Variants in DPP10 observed in about 807,000 individuals in gnomAD.
DPP10 encodes inactive dipeptidyl peptidase 10.
In DPP10, 33 loss-of-function variants were observed where a neutral mutation model predicts 120.9. The observed-to-expected ratio is 0.27, with a 90% CI of 0.21 to 0.37. The LOEUF is 0.37. DPP10 is among the 10% of genes least tolerant of loss of function. DPP10 has a pLI of 1.00. For missense variants in DPP10, 816 were observed against 942.8 expected, an observed-to-expected ratio of 0.87 and a Z score of 1.76; for synonymous variants, 337 against 326.1, an observed-to-expected ratio of 1.03 and a Z score of -0.36.
In DPP10 at chr2:115,385,367, T is replaced by TA. The variant is rs71394132; in HGVS notation, c.271+41458dup. Among the ~76,000 whole-genome samples the TA allele has an allele frequency of 4.0e-5, 6 of 151,298 alleles. No homozygotes were observed. In the East Asian group the frequency reaches 5.8e-4, roughly 15 times the overall value. On this transcript the variant is annotated intron_variant, in intron 3 of 25. Transcript: ENST00000410059. ...TCTGTCTTTCTTTTTTTTTTTTTTT[T>TA]AAATCAAGACAGAGTTTCGCTCTTG...
intron 5 of DPP10, among the ~76,000 whole-genome samples, chr2:115,546,094 T>G (rs1267304070): frequency 6.6e-6 from 1 of 152,134 alleles, no homozygotes; most frequent in African/African-American, 2.4e-5. Flanking sequence ...TAAATCTGCA[T>G]TCGGATTTGG....
At chr2:114,818,167 G>C (rs375338169) in intron 1 of DPP10, among the ~76,000 whole-genome samples, 1 of 152,148 alleles carries the variant, frequency 6.6e-6, no homozygotes, top group South Asian at 2.1e-4. Flanking sequence ...TGGTAATGAA[G>C]GTCAGTCACT....
At chr2:115,015,945 A>G (rs1702601968) in intron 1 of DPP10, among the ~76,000 whole-genome samples, 1 of 152,200 alleles carries the variant, frequency 6.6e-6, no homozygotes, top group Non-Finnish European at 1.5e-5. Flanking sequence ...TATAGATTCA[A>G]TGTTATTCCC....
intron 2 of DPP10, among the ~76,000 whole-genome samples, chr2:115,342,572 A>G (rs1353527632): frequency 6.6e-6 from 1 of 152,120 alleles, no homozygotes; most frequent in Non-Finnish European, 1.5e-5. Flanking sequence ...GGACAGAGAT[A>G]TGTCTCCTAT....
chr2:114,764,933 G>T (rs907270520), intron 1 of DPP10, among the ~76,000 whole-genome samples: 4 of 152,120 alleles, frequency 2.6e-5, no homozygotes, highest in Non-Finnish European at 5.9e-5. Context: ...ACCTTGAGGG[G>T]TTAGGCTATT....
rs1692252747 is a variant in DPP10 at position 114,888,337 on chromosome 2, AAC to A, written c.61-420898_61-420897del. Among the ~76,000 whole-genome samples the A allele has an allele frequency of 2.0e-5, 3 of 152,208 alleles. No individual in the cohort carries two copies. In the South Asian group the frequency reaches 6.2e-4, roughly 32 times the overall value. ...TATAACTTTGAATATATCATTAAGGAACACAAACTAAGTAGGTCAGAAGACTA... is the reference window on the plus strand; with the variant it reads ...TATAACTTTGAATATATCATTAAGGAACAAACTAAGTAGGTCAGAAGACTA... On this transcript the variant is annotated intron_variant, in intron 1 of 25. Transcript: ENST00000410059.
At chr2:115,405,704 T>C (rs1193683593) in intron 3 of DPP10, among the ~76,000 whole-genome samples, 1 of 152,176 alleles carries the variant, frequency 6.6e-6, no homozygotes, top group African/African-American at 2.4e-5. Context: ...CATATGGATG[T>C]GGATATTGCC....
intron 1 of DPP10, among the ~76,000 whole-genome samples, chr2:114,814,552 G>A (rs1254232751): frequency 6.6e-6 from 1 of 151,992 alleles, no homozygotes; most frequent in Non-Finnish European, 1.5e-5. Context: ...TACCATGTCA[G>A]CATATTGCAC....
intron 1 of DPP10, among the ~76,000 whole-genome samples, chr2:114,741,173 A>C (rs1678023952): frequency 6.6e-6 from 1 of 152,220 alleles, no homozygotes; most frequent in Non-Finnish European, 1.5e-5. Flanking sequence ...CCTTTGTTAC[A>C]AAGCCTGCAC....
intron 3 of DPP10, among the ~76,000 whole-genome samples, chr2:115,478,390 A>G (rs1395427928): frequency 6.6e-6 from 1 of 152,306 alleles, no homozygotes; most frequent in South Asian, 2.1e-4. Context: ...AACTAAAATG[A>G]TGTTTAAAAA....
chr2:115,780,496 A>G (rs958793093), intron 15 of DPP10, among the ~76,000 whole-genome samples: 3 of 151,874 alleles, frequency 2.0e-5, no homozygotes, highest in African/African-American at 4.8e-5. Context: ...AGTATGTATT[A>G]AACATTGAAT....
At chr2:114,834,393 G>A (rs927365109) in intron 1 of DPP10, among the ~76,000 whole-genome samples, 2 of 149,026 alleles carry the variant, frequency 1.3e-5, no homozygotes, top group African/African-American at 2.5e-5. Context: ...ACACACCTAT[G>A]TATATATAAG....
At chr2:115,007,326 C>T (rs1469418941) in intron 1 of DPP10, among the ~76,000 whole-genome samples, 2 of 152,214 alleles carry the variant, frequency 1.3e-5, no homozygotes, top group East Asian at 1.9e-4. Context: ...ACAAAAACCA[C>T]ATGATTATCT....
At chr2:115,369,558 C>G (rs899045825) in intron 3 of DPP10, among the ~76,000 whole-genome samples, 1 of 151,928 alleles carries the variant, frequency 6.6e-6, no homozygotes, top group Non-Finnish European at 1.5e-5. Context: ...AAGCTGTGGG[C>G]AAATATTTCC....
chr2:114,922,642 T>G (rs1695281482), intron 1 of DPP10, among the ~76,000 whole-genome samples: 1 of 152,230 alleles, frequency 6.6e-6, no homozygotes, highest in Non-Finnish European at 1.5e-5. Flanking sequence ...TACTACACAG[T>G]ATCTGATCTT....
Position 115,090,268 on chromosome 2 carries a change from G to A in DPP10, c.61-218971G>A, listed in dbSNP as rs146454063. ...CCTTGCTAGTGTGCATTTATCATAC[G>A]ACATTCTGGACAAGGCTCTGTGCAT... is the stretch of plus-strand genomic sequence containing the variant. On this transcript the variant is annotated intron_variant, in intron 1 of 25. Transcript: ENST00000410059. Among the ~76,000 whole-genome samples, 600 of 152,198 alleles carry A rather than the reference G, an allele frequency of 3.9e-3. 2 individuals carry two copies. Among genetic ancestry groups the A allele is most frequent in the African/African-American group, 0.014 (561 of 41,532 alleles).
chr2:114,872,520 T>C (rs1011297246), intron 1 of DPP10, among the ~76,000 whole-genome samples: 5 of 152,202 alleles, frequency 3.3e-5, no homozygotes, highest in Non-Finnish European at 7.3e-5. Context: ...CAGGTAACAA[T>C]TAAGCTGCCC....
At chr2:115,659,866 TG>T (rs2088761603) in intron 5 of DPP10, among the ~76,000 whole-genome samples, 1 of 152,230 alleles carries the variant, frequency 6.6e-6, no homozygotes, top group Non-Finnish European at 1.5e-5. Context: ...ATATCCTAAG[TG>T]CTAAAAGCCA....
intron 5 of DPP10, among the ~76,000 whole-genome samples, chr2:115,606,067 A>G (rs2149235486): frequency 6.6e-6 from 1 of 152,246 alleles, no homozygotes; most frequent in East Asian, 1.9e-4. Context: ...AGTTAATAAA[A>G]ATGTGCTAAT....
Sources: allele counts gnomAD v4.1 joint callset (sites outside exome capture counted in the v4.1 genomes callset), GRCh38; gene constraint gnomAD v4.1.1; transcripts MANE v1.5; gene names NCBI Gene and HGNC (gene_info 2026-07-23, HGNC 2026-07-21).